The following AFAP1L1 variants were observed in gnomAD, a reference collection of about 807,000 sequenced individuals.
AFAP1L1 encodes the protein actin filament-associated protein 1-like 1.
Under a neutral mutation model 99.8 loss-of-function variants are expected in AFAP1L1, and 77 were observed. That is an observed-to-expected ratio of 0.77 (90% CI 0.64 to 0.93). The LOEUF (loss-of-function observed/expected upper bound fraction) is 0.93. AFAP1L1 is among the 40% of genes least tolerant of loss of function. AFAP1L1 has a pLI of 0.00. For synonymous variants in AFAP1L1, 373 were observed against 395.3 expected, an observed-to-expected ratio of 0.94 and a Z score of 0.67; for missense variants, 893 against 996.8, an observed-to-expected ratio of 0.90 and a Z score of 1.40.
rs1756839854 is a variant in AFAP1L1 at position 149,317,792 on chromosome 5, C to T, written c.1331C>T (p.Thr444Ile). 1.2e-6 allele frequency: 2 copies of T among 1,614,066 alleles called. No homozygotes were observed. The highest frequency in any genetic ancestry group is 1.7e-6 in the Non-Finnish European group (2 of 1,179,990). The change falls in exon 12 of 19, where the codon ACT becomes ATT. Residue 444 changes from threonine (T) to isoleucine (I), a missense_variant. Coordinates refer to ENST00000296721, the MANE Select transcript of AFAP1L1 (RefSeq NM_152406.4). ...CGCTGGTGCCGCCTGAAGTGCAACA[C>T]TCTGTATTTCCACAAGGATCACATG... Reference protein sequence around the residue: ...KERWCRLKCNTLYFHKDHMDL... With the variant: ...KERWCRLKCNILYFHKDHMDL...
chr5:149,327,622 G>T (rs192998907), intron 15 of AFAP1L1, among the ~76,000 whole-genome samples: 2 of 152,228 alleles, frequency 1.3e-5, no homozygotes, highest in Admixed American at 1.3e-4. Flanking sequence ...TAAAAATCAT[G>T]AGGCTGAAAA....
chr5:149,279,688 C>G (rs1367727833), intron 1 of AFAP1L1, among the ~76,000 whole-genome samples: 2 of 152,144 alleles, frequency 1.3e-5, no homozygotes. Flanking sequence ...TCAGGTCTGC[C>G]CTGTCTGCCC....
chr5:149,296,675 A>C (rs937349872), intron 1 of AFAP1L1, among the ~76,000 whole-genome samples: 19 of 152,348 alleles, frequency 1.2e-4, no homozygotes, highest in Middle Eastern at 3.4e-3. Flanking sequence ...CCAGGCTGAC[A>C]CATAGTTAGT....
chr5:149,334,915 A>C (rs1581346923), intron 17 of AFAP1L1, among the ~76,000 whole-genome samples: 1 of 152,200 alleles, frequency 6.6e-6, no homozygotes, highest in East Asian at 1.9e-4. Flanking sequence ...AAAGAAAGAA[A>C]GGGCTATGGG....
intron 5 of AFAP1L1, among the ~76,000 whole-genome samples, chr5:149,305,878 CCACACACACACACA>C (rs56036411): frequency 3.5e-5 from 5 of 142,568 alleles, no homozygotes; most frequent in East Asian, 2.1e-4. Context: ...GACCAACACA[CCACACACACACACA>C]CACACACACA....
chr5:149,306,692 AGAT>A (rs1263841534), intron 6 of AFAP1L1, among the ~76,000 whole-genome samples: 1 of 152,204 alleles, frequency 6.6e-6, no homozygotes, highest in Non-Finnish European at 1.5e-5. Flanking sequence ...TATAAAATGG[AGAT>A]TTGCTGGGTT....
rs1333642016 is a variant in AFAP1L1 at position 149,300,260 on chromosome 5, C to T, written c.146-11C>T. 6.2e-7 allele frequency: 1 copy of T among 1,607,654 alleles called. No homozygotes were observed. The highest frequency in any genetic ancestry group is 2.2e-5 in the East Asian group (1 of 44,728). On this transcript the variant is annotated splice_polypyrimidine_tract_variant and intron_variant, in intron 2 of 18. Transcript: ENST00000296721. The stretch of plus-strand genomic sequence containing the variant: ...CCTTCACAGCTGGCATGTCCCCCTT[C>T]TTCCTCACAGCAAAGGAGGTCTCCT...
chr5:149,297,789 C>G (rs1224487370), intron 1 of AFAP1L1, among the ~76,000 whole-genome samples: 1 of 152,216 alleles, frequency 6.6e-6, no homozygotes, highest in Non-Finnish European at 1.5e-5. Flanking sequence ...AGCAGAGAGT[C>G]ACAGTCCAGT....
chr5:149,334,145 C>G (rs1757338275), intron 17 of AFAP1L1, among the ~76,000 whole-genome samples: 1 of 152,194 alleles, frequency 6.6e-6, no homozygotes. Context: ...TTAAGTATGA[C>G]TTGTCAGGAG....
chr5:149,286,381 A>G (rs1199434962), intron 1 of AFAP1L1, among the ~76,000 whole-genome samples: 4 of 152,198 alleles, frequency 2.6e-5, no homozygotes, highest in Non-Finnish European at 4.4e-5. Context: ...GCAAACAAAC[A>G]GCACCAGGGT....
intron 1 of AFAP1L1, among the ~76,000 whole-genome samples, chr5:149,297,297 G>A (rs914918064): frequency 3.9e-5 from 6 of 152,090 alleles, no homozygotes; most frequent in African/African-American, 7.2e-5. Context: ...GGCGCCTTTC[G>A]CCTGGGCTCT....
chr5:149,315,857 A>C lies in AFAP1L1; in HGVS notation c.1057A>C (p.Ser353Arg). The C allele has an allele frequency of 6.2e-7, 1 of 1,614,136 alleles. No individual in the cohort carries two copies. The highest frequency in any genetic ancestry group is 8.5e-7 in the Non-Finnish European group (1 of 1,180,014). The change falls in exon 10 of 19, where the codon AGC becomes CGC. Residue 353 changes from serine to arginine, a missense_variant. Coordinates refer to ENST00000296721, the MANE Select transcript of AFAP1L1 (RefSeq NM_152406.4). ...SQEKQTSDSDSVGVGDNCSTL... is the reference protein window; with the variant it reads ...SQEKQTSDSDRVGVGDNCSTL... Reference sequence around the variant, plus strand: ...AGAGAAGCAGACCTCAGATTCTGACAGCGTGGGTGTGGGTGACAACTGTTC... The same window carrying C: ...AGAGAAGCAGACCTCAGATTCTGACCGCGTGGGTGTGGGTGACAACTGTTC...
intron 12 of AFAP1L1, among the ~76,000 whole-genome samples, chr5:149,318,571 T>C (rs1272668215): frequency 6.6e-6 from 1 of 152,240 alleles, no homozygotes; most frequent in Non-Finnish European, 1.5e-5. Context: ...TGTCCAGCAC[T>C]AGAATACTAT....
intron 18 of AFAP1L1, among the ~76,000 whole-genome samples, chr5:149,336,050 T>C (rs1397434210): frequency 1.3e-5 from 2 of 152,152 alleles, no homozygotes; most frequent in Non-Finnish European, 2.9e-5. Flanking sequence ...ATGCAAGGTA[T>C]CACTGCAAAA....
chr5:149,280,345 G>A (rs1218668472), intron 1 of AFAP1L1, among the ~76,000 whole-genome samples: 1 of 152,110 alleles, frequency 6.6e-6, no homozygotes, highest in Non-Finnish European at 1.5e-5. Flanking sequence ...CTGCCTTAAG[G>A]ACCACTCCCT....
At chr5:149,323,729 C>T (rs186273549) in intron 15 of AFAP1L1, among the ~76,000 whole-genome samples, 120 of 152,312 alleles carry the variant, frequency 7.9e-4, no homozygotes, top group Middle Eastern at 3.4e-3. Context: ...TGGGAAAAGT[C>T]CTTTCCCCTC....
chr5:149,331,210 G>A (rs1004677696), intron 16 of AFAP1L1, among the ~76,000 whole-genome samples: 34 of 152,310 alleles, frequency 2.2e-4, no homozygotes, highest in African/African-American at 6.0e-4. Flanking sequence ...GCCGAGGCAG[G>A]AGGCCTGTTT....
rs150028791 is a variant in AFAP1L1, at chr5:149,320,247, T to G, written c.1626-144T>G. 5,066 of 745,176 alleles carry G rather than the reference T, an allele frequency of 6.8e-3. 255 individuals carry two copies. In the Admixed American group the frequency reaches 0.093, roughly 14 times the overall value. 46.2% of individuals were successfully genotyped at this position (745,176 alleles called of 1,614,324 possible). A position where few individuals can be genotyped will look rare whatever the true frequency, so the allele number is the denominator to read the frequency against. ...CGCCCTAACACAGCCCATGACACAA[T>G]GCTGCCTGCCATCTTGCTTTTACCA... On this transcript the variant is annotated intron_variant, in intron 13 of 18. Coordinates refer to ENST00000296721, the MANE Select transcript of AFAP1L1 (RefSeq NM_152406.4). This position sits in a 1 kb window ranked among gnomAD's most constrained non-coding sequence, Gnocchi z 4.0.
intron 1 of AFAP1L1, among the ~76,000 whole-genome samples, chr5:149,291,969 G>A (rs1396964847): frequency 6.6e-6 from 1 of 152,194 alleles, no homozygotes; most frequent in African/African-American, 2.4e-5. Context: ...AAACAAAGAA[G>A]GATAAGTTAT....
Sources: allele counts gnomAD v4.1 joint callset (sites outside exome capture counted in the v4.1 genomes callset), GRCh38; gene constraint gnomAD v4.1.1; non-coding constraint Gnocchi (gnomAD v3.1); transcripts MANE v1.5; gene names NCBI Gene and HGNC (gene_info 2026-07-23, HGNC 2026-07-21).